Variants in PCDH11X observed in about 807,000 individuals in gnomAD.
PCDH11X encodes the protein protocadherin-11 X-linked.
In PCDH11X, 18 loss-of-function variants were observed where a neutral mutation model predicts 53.3. The observed-to-expected ratio is 0.34, with a 90% CI of 0.23 to 0.50. The LOEUF is 0.50. Among genes scored for constraint, PCDH11X ranks in the 20% least tolerant of loss-of-function variants. The pLI, the probability that PCDH11X is intolerant of heterozygous loss-of-function variation, is 0.98. For missense variants in PCDH11X, 570 were observed against 1,032.4 expected, an observed-to-expected ratio of 0.55 and a Z score of 6.14; for synonymous variants, 279 against 393.3, an observed-to-expected ratio of 0.71 and a Z score of 3.44.
intron 6 of PCDH11X, among the ~76,000 whole-genome samples, chrX:92,175,862 A>G (rs748732424): frequency 1.9e-3 from 202 of 106,870 alleles, no homozygotes; most frequent in Non-Finnish European, 3.1e-3. Context: ...CACCTCTGTT[A>G]TAACTAAATT....
At chrX:92,183,378 T>C (rs1200579031) in intron 6 of PCDH11X, among the ~76,000 whole-genome samples, 1 of 104,486 alleles carries the variant, frequency 9.6e-6, no homozygotes, top group Non-Finnish European at 1.9e-5. Flanking sequence ...TGCCTCAGCC[T>C]CCCAAATAGC....
At chrX:91,843,390 A>C (rs1384791874) in intron 5 of PCDH11X, among the ~76,000 whole-genome samples, 1 of 102,427 alleles carries the variant, frequency 9.8e-6, no homozygotes, top group Non-Finnish European at 2.0e-5. Context: ...GCTTACTGCA[A>C]CCTCCACCTC....
chrX:91,980,865 GTTAAT>G (rs1168573634), intron 6 of PCDH11X, among the ~76,000 whole-genome samples: 1 of 106,339 alleles, frequency 9.4e-6, no homozygotes, highest in African/African-American at 3.4e-5. Flanking sequence ...GTTGAATTTA[GTTAAT>G]TTGTCAATTC....
At chrX:92,467,222 G>C (rs2073173239) in intron 9 of PCDH11X, among the ~76,000 whole-genome samples, 1 of 111,136 alleles carries the variant, frequency 9.0e-6, no homozygotes, top group African/African-American at 3.2e-5. Context: ...TAAATGTGCT[G>C]TTTGTCAGTG....
At chrX:92,126,609 C>A (rs1569371756) in intron 6 of PCDH11X, among the ~76,000 whole-genome samples, 3 of 106,522 alleles carry the variant, frequency 2.8e-5, no homozygotes, top group Non-Finnish European at 3.8e-5. Context: ...AACTCTGTCT[C>A]AAAAAATAAA....
In PCDH11X at chrX:92,430,929, C is replaced by T. The variant is rs762400323; in HGVS notation, c.3344-37370C>T. On this transcript the variant is annotated intron_variant, in intron 9 of 10. Coordinates refer to ENST00000682573, the MANE Select transcript of PCDH11X (RefSeq NM_032968.5). ...TCTCAAAACTTTGAGTTTGAAAGCTCATCTGTGATAGAAACTAATGGTTGA... is the reference window on the plus strand; with the variant it reads ...TCTCAAAACTTTGAGTTTGAAAGCTTATCTGTGATAGAAACTAATGGTTGA... Among the ~76,000 whole-genome samples the T allele has an allele frequency of 3.8e-5, 4 of 104,439 alleles. No individual in the cohort carries two copies. The South Asian group carries it at 1.8e-3, about 47-fold the overall frequency. 90.7% of individuals were successfully genotyped at this position (104,439 alleles called of 115,157 possible).
chrX:91,954,397 G>T (rs1185042933), intron 6 of PCDH11X, among the ~76,000 whole-genome samples: 1 of 111,230 alleles, frequency 9.0e-6, no homozygotes, highest in Non-Finnish European at 1.9e-5. Flanking sequence ...CTTTGGTATT[G>T]TGAATAGTGC....
chrX:92,336,914 C>T (rs959553433), intron 8 of PCDH11X, among the ~76,000 whole-genome samples: 5 of 110,820 alleles, frequency 4.5e-5, no homozygotes, highest in South Asian at 3.8e-4. Flanking sequence ...TTCCTTACAG[C>T]GCTGTCTTCT....
At chrX:92,381,929 T>C (rs1351769199) in intron 8 of PCDH11X, among the ~76,000 whole-genome samples, 2 of 110,918 alleles carry the variant, frequency 1.8e-5, no homozygotes, top group Non-Finnish European at 3.8e-5. Context: ...TGATCCATGG[T>C]TCCATCATCT....
chrX:91,905,335 C>T (rs1320141960), intron 6 of PCDH11X, among the ~76,000 whole-genome samples: 1 of 109,684 alleles, frequency 9.1e-6, no homozygotes, highest in Non-Finnish European at 1.9e-5. Context: ...TCACTATATT[C>T]CCTCGGCTGA....
intron 9 of PCDH11X, among the ~76,000 whole-genome samples, chrX:92,405,935 A>C (rs1471656404): frequency 9.1e-6 from 1 of 109,533 alleles, no homozygotes; most frequent in Non-Finnish European, 1.9e-5. Context: ...TCTACTAAAA[A>C]ATACAAAAAA....
chrX:92,268,899 A>G (rs1397237511), intron 8 of PCDH11X, among the ~76,000 whole-genome samples: 3 of 112,328 alleles, frequency 2.7e-5, no homozygotes, highest in African/African-American at 9.7e-5. Context: ...ACTGGCATTC[A>G]GTGTTACAAC....
chrX:92,059,898 A>C (rs2063502192), intron 6 of PCDH11X, among the ~76,000 whole-genome samples: 1 of 110,477 alleles, frequency 9.1e-6, no homozygotes, highest in Non-Finnish European at 1.9e-5. Flanking sequence ...TCATCATTTG[A>C]AAAACTTATA....
At chrX:92,525,629 CTCA>C (rs2074438102) in intron 10 of PCDH11X, among the ~76,000 whole-genome samples, 1 of 73,635 alleles carries the variant, frequency 1.4e-5, no homozygotes, top group African/African-American at 5.4e-5. Context: ...AAAACTCTTT[CTCA>C]AAAAAAAAAA....
chrX:91,789,133 C>A (rs1282009104), intron 1 of PCDH11X, among the ~76,000 whole-genome samples: 1 of 93,270 alleles, frequency 1.1e-5, no homozygotes, highest in African/African-American at 4.0e-5. Flanking sequence ...ACCCGCGAGG[C>A]GGAGATTGCA....
At chrX:92,358,940 G>A (rs2070281541) in intron 8 of PCDH11X, among the ~76,000 whole-genome samples, 1 of 108,156 alleles carries the variant, frequency 9.2e-6, no homozygotes, top group Admixed American at 1.0e-4. Context: ...CTAATCTGCA[G>A]TCCTTCAGCC....
At chrX:92,033,863 C>CT (rs746896789) in intron 6 of PCDH11X, among the ~76,000 whole-genome samples, 169 of 101,149 alleles carry the variant, frequency 1.7e-3, no homozygotes, top group Non-Finnish European at 2.1e-3. Flanking sequence ...TTTTCTTTTT[C>CT]TTTTTTTTTT....
intron 6 of PCDH11X, among the ~76,000 whole-genome samples, chrX:91,955,021 C>A (rs1391611169): frequency 9.0e-6 from 1 of 110,913 alleles, no homozygotes; most frequent in Non-Finnish European, 1.9e-5. Context: ...ATCATGAAAT[C>A]TTTGCTTGCA....
At chrX:92,132,695 A>ATATATATATGTATATG (rs2065016549) in intron 6 of PCDH11X, among the ~76,000 whole-genome samples, 1 of 93,504 alleles carries the variant, frequency 1.1e-5, no homozygotes, top group Non-Finnish European at 2.1e-5. Flanking sequence ...ATGTATATAT[A>ATATATATATGTATATG]TATATATATA....
Sources: gnomAD v4.1 joint callset for allele counts (sites outside exome capture counted in the v4.1 genomes callset) on GRCh38, gnomAD v4.1.1 for gene constraint, MANE v1.5 for transcripts, NCBI Gene and HGNC (gene_info 2026-07-23, HGNC 2026-07-21) for gene names.